COL18A1: variants seen among roughly 807,000 people sequenced by gnomAD.
COL18A1 encodes the protein collagen alpha-1(XVIII) chain.
Under a neutral mutation model 168.0 loss-of-function variants are expected in COL18A1, and 133 were observed. The observed-to-expected ratio is 0.79, with a 90% CI of 0.69 to 0.91. COL18A1 has a LOEUF of 0.91. Ranked by LOEUF, COL18A1 falls within the 40% of genes least tolerant of loss-of-function variation. The pLI is 0.00. For missense variants in COL18A1, 2,126 were observed against 1,925.4 expected, an observed-to-expected ratio of 1.10 and a Z score of -1.95; for synonymous variants, 949 against 809.0, an observed-to-expected ratio of 1.17 and a Z score of -2.94.
At chr21:45,470,204 T>C (rs2035360995) in intron 3 of COL18A1, among the ~76,000 whole-genome samples, 4 of 147,014 alleles carry the variant, frequency 2.7e-5, no homozygotes, top group Admixed American at 6.6e-5. Context: ...GTGTTTAATT[T>C]TGCATTTCTT....
intron 2 of COL18A1, among the ~76,000 whole-genome samples, chr21:45,440,460 T>C (rs28377305): frequency 2.0e-5 from 3 of 151,746 alleles, no homozygotes; most frequent in East Asian, 1.9e-4. Context: ...CTCCGTGCCA[T>C]GTTCCCCGCA....
At position 45,513,374 on chromosome 21, in the gene COL18A1, T is replaced by C. The variant is rs2037721263; in HGVS notation, c.*976T>C. ...TGCCCATGGACAGGCTGGCTCCAGA[T>C]GCAGGGCAGTCATTGGCTGTCTCCT... On this transcript the variant is annotated 3_prime_UTR_variant, in exon 42 of 42. Transcript: ENST00000651438. 6.6e-6 allele frequency: 1 copy of C among 152,278 alleles called. No homozygotes were observed. Among genetic ancestry groups the C allele is most frequent in the East Asian group, 1.9e-4 (1 of 5,188 alleles). The allele number at this position is 152,278 out of a possible 1,614,324, so 9.4% of individuals were successfully genotyped here.
intron 2 of COL18A1, chr21:45,455,370 G>A: frequency 1.0e-6 from 1 of 996,952 alleles, no homozygotes; most frequent in Non-Finnish European, 1.5e-6. Context: ...TGATTCCAAG[G>A]CTGGTGCCTT....
chr21:45,476,943 G>C (rs1429067983), intron 6 of COL18A1, among the ~76,000 whole-genome samples: 1 of 151,980 alleles, frequency 6.6e-6, no homozygotes, highest in East Asian at 1.9e-4. Flanking sequence ...GTGTGTGTGT[G>C]TGTGTGTGGC....
At chr21:45,485,721 C>A (rs1349494887) in intron 15 of COL18A1, among the ~76,000 whole-genome samples, 1 of 152,156 alleles carries the variant, frequency 6.6e-6, no homozygotes, top group Non-Finnish European at 1.5e-5. Context: ...CGAGGATCAC[C>A]TTGGCGGGTG....
At chr21:45,484,240 A>G (rs1231490471) in intron 15 of COL18A1, among the ~76,000 whole-genome samples, 1 of 149,264 alleles carries the variant, frequency 6.7e-6, no homozygotes, top group African/African-American at 2.5e-5. Flanking sequence ...GTGCACACAC[A>G]CCTCTCCAGC....
intron 38 of COL18A1, among the ~76,000 whole-genome samples, chr21:45,508,758 C>G (rs374628482): frequency 6.6e-6 from 1 of 152,132 alleles, no homozygotes; most frequent in Admixed American, 6.5e-5. Context: ...AGTCATGGCC[C>G]CTCCTGTGTG....
chr21:45,479,872 C>A, intron 9 of COL18A1, 30 bp from the exon 10 acceptor site: 1 of 1,613,078 alleles, frequency 6.2e-7, no homozygotes, highest in Non-Finnish European at 8.5e-7. Context: ...GGTGCCTTCC[C>A]TGACCGGGCC....
At chr21:45,509,831 G>GT (rs1324648911) in intron 39 of COL18A1, among the ~76,000 whole-genome samples, 1 of 152,188 alleles carries the variant, frequency 6.6e-6, no homozygotes, top group Admixed American at 6.5e-5. Flanking sequence ...AGGAACCGGC[G>GT]TACCTCCGCC....
chr21:45,476,513 G>T, intron 6 of COL18A1, 33 bp downstream of exon 6: 2 of 1,565,876 alleles, frequency 1.3e-6, no homozygotes, highest in Non-Finnish European at 1.7e-6. Context: ...TGTGTGTGTG[G>T]TGTGGGGTGT....
Position 45,489,477 on chromosome 21 carries a change from T to G in COL18A1, c.1924-9T>G. ...AGCAGGTGCTCACGGAGCCCCTTTTTTCACTTAGGGGGATCCTGGCGTGCC... is the reference window on the plus strand; with the variant it reads ...AGCAGGTGCTCACGGAGCCCCTTTTGTCACTTAGGGGGATCCTGGCGTGCC... On this transcript the variant is annotated splice_polypyrimidine_tract_variant and intron_variant, in intron 18 of 41. Coordinates refer to ENST00000651438, the MANE Select transcript of COL18A1 (RefSeq NM_001379500.1). The G allele has an allele frequency of 6.3e-7, 1 of 1,598,574 alleles. No individual in the cohort carries two copies. Among genetic ancestry groups the G allele is most frequent in the Non-Finnish European group, 8.5e-7 (1 of 1,172,486 alleles).
chr21:45,476,501 G>A (rs1568902375), intron 6 of COL18A1, 21 bp downstream of exon 6: 2 of 1,581,080 alleles, frequency 1.3e-6, no homozygotes, highest in East Asian at 2.3e-5. Flanking sequence ...TTCTGGATGT[G>A]GTGTGTGTGT....
intron 13 of COL18A1, among the ~76,000 whole-genome samples, chr21:45,481,560 G>A (rs376047925): frequency 3.3e-5 from 5 of 152,204 alleles, no homozygotes; most frequent in Admixed American, 6.5e-5. Context: ...GGCATTCACC[G>A]TCACCATCGG....
intron 37 of COL18A1, chr21:45,507,329 G>T: frequency 1.7e-6 from 1 of 602,038 alleles, no homozygotes; most frequent in East Asian, 3.0e-5. Flanking sequence ...TGGGCTGGCA[G>T]GGCCGGGTGC....
intron 2 of COL18A1, among the ~76,000 whole-genome samples, chr21:45,451,045 G>A (rs544028244): frequency 1.6e-4 from 25 of 152,370 alleles, no homozygotes; most frequent in African/African-American, 5.0e-4. Context: ...TCTGCAGGAC[G>A]GCACCAGTGG....
chr21:45,456,164 C>G, intron 2 of COL18A1: 1 of 1,589,656 alleles, frequency 6.3e-7, no homozygotes, highest in Non-Finnish European at 8.6e-7. Context: ...CTCAGTGCCA[C>G]CACCATCTTC....
chr21:45,488,968 CTCCTA>C (rs2036207419), intron 18 of COL18A1, among the ~76,000 whole-genome samples: 1 of 152,104 alleles, frequency 6.6e-6, no homozygotes, highest in African/African-American at 2.4e-5. Context: ...GGAGCCTCCT[CTCCTA>C]GGCCCTGGGC....
At position 45,505,155 on chromosome 21, in the gene COL18A1, C is replaced by CG; in HGVS notation, c.2894dup (p.Gln966ProfsTer121). The CG allele has an allele frequency of 6.2e-7, 1 of 1,608,844 alleles. No individual in the cohort carries two copies. The highest frequency in any genetic ancestry group is 8.5e-7 in the Non-Finnish European group (1 of 1,178,566). On this transcript the variant is annotated frameshift_variant, in exon 35 of 42. Transcript: ENST00000651438. LOFTEE classifies it high-confidence loss of function. ...GTAGGGTCCCAAGGGAGAGAGCATCCGGGGCCAGCCCGGCCCACCTGGACC... is the reference window on the plus strand; with the variant it reads ...GTAGGGTCCCAAGGGAGAGAGCATCCGGGGGCCAGCCCGGCCCACCTGGACC...
chr21:45,487,653 G>A, intron 17 of COL18A1, 144 bp downstream of exon 17: 1 of 1,040,464 alleles, frequency 9.6e-7, no homozygotes, highest in Non-Finnish European at 1.5e-6. Context: ...GGCGGGCGCT[G>A]TGCCCCGCGG....
Sources: allele counts gnomAD v4.1 joint callset (sites outside exome capture counted in the v4.1 genomes callset), GRCh38; gene constraint gnomAD v4.1.1; transcripts MANE v1.5; gene names NCBI Gene and HGNC (gene_info 2026-07-23, HGNC 2026-07-21).